The following VAV2 variants were observed in gnomAD, a reference collection of about 807,000 sequenced individuals.
VAV2 encodes guanine nucleotide exchange factor VAV2.
Under a neutral mutation model 132.5 loss-of-function variants are expected in VAV2, and 67 were observed. The observed-to-expected ratio is 0.51, with a 90% CI of 0.42 to 0.62. The LOEUF is 0.62. VAV2 is among the 20% of genes least tolerant of loss of function. VAV2 has a pLI of 0.00. For missense variants in VAV2, 938 were observed against 1,153.6 expected (o/e 0.81, Z 2.71); for synonymous variants, 492 against 443.5 (o/e 1.11, Z -1.37).
intron 1 of VAV2, 109 bp from the exon 2 acceptor site, chr9:133,939,328 A>T: frequency 2.1e-6 from 2 of 936,628 alleles, no homozygotes; most frequent in Non-Finnish European, 3.5e-6. Flanking sequence ...GCGCCAGCAC[A>T]TCCAAGCTCA....
rs1206007079 is a variant in VAV2 at position 133,797,877 on chromosome 9, C to T, written c.837-68G>A. 3.6e-5 allele frequency: 53 copies of T among 1,476,650 alleles called. No individual in the cohort carries two copies. The South Asian group carries it at 4.9e-4, about 14-fold the overall frequency. 91.5% of individuals were successfully genotyped at this position (1,476,650 alleles called of 1,614,324 possible). On this transcript the variant is annotated intron_variant, in intron 9 of 29. Coordinates refer to ENST00000371850, the MANE Select transcript of VAV2 (RefSeq NM_001134398.2). ...GAGCAGCTCGGGGCTGCAGTGAGCC[C>T]GTCCATTTTTCCCAGCAGGCTGTAG... is the stretch of plus-strand genomic sequence containing the variant.
chr9:133,982,714 C>G (rs953597116), intron 1 of VAV2, among the ~76,000 whole-genome samples: 20 of 152,192 alleles, frequency 1.3e-4, no homozygotes, highest in Non-Finnish European at 1.5e-5. Flanking sequence ...TAGGGCCCGC[C>G]GCCTGGTTTT....
intron 2 of VAV2, among the ~76,000 whole-genome samples, chr9:133,922,395 G>A (rs998065199): frequency 3.3e-5 from 5 of 152,230 alleles, no homozygotes; most frequent in African/African-American, 7.2e-5. Flanking sequence ...GTAGGGGCAC[G>A]GGGCAGAAAA....
At chr9:133,850,669 A>G (rs1416294126) in intron 3 of VAV2, among the ~76,000 whole-genome samples, 2 of 152,146 alleles carry the variant, frequency 1.3e-5, no homozygotes, top group Non-Finnish European at 2.9e-5. Flanking sequence ...AGCCTCTGAA[A>G]TGTGAGCCAG....
Position 133,884,658 on chromosome 9 carries a change from G to A in VAV2, c.322-23226C>T, listed in dbSNP as rs1274853469. On this transcript the variant is annotated intron_variant, in intron 2 of 29. Transcript: ENST00000371850. The surrounding 1 kb of genome is among the most constrained non-coding windows in gnomAD (Gnocchi z 5.3). ...TATGCATAAGATGCTTCAATAAGAA[G>A]CTTGCTAAAAAGAAAAACAAAAAAA... Among the ~76,000 whole-genome samples the A allele has an allele frequency of 6.6e-6, 1 of 152,048 alleles. No homozygotes were observed. The highest frequency in any genetic ancestry group is 2.4e-5 in the African/African-American group (1 of 41,376).
intron 2 of VAV2, among the ~76,000 whole-genome samples, chr9:133,908,481 C>T (rs183055336): frequency 1.3e-3 from 201 of 152,102 alleles, no homozygotes; most frequent in Non-Finnish European, 2.1e-3. Context: ...TCCCTGATGC[C>T]CCCAAGCCAG....
chr9:133,836,985 A>C (rs1262631613), intron 3 of VAV2, among the ~76,000 whole-genome samples: 1 of 152,204 alleles, frequency 6.6e-6, no homozygotes, highest in Non-Finnish European at 1.5e-5. Context: ...CTGCCCTGCC[A>C]GGAGAGCTGA....
chr9:133,865,361 C>T (rs1028617666), intron 2 of VAV2, among the ~76,000 whole-genome samples: 1 of 152,190 alleles, frequency 6.6e-6, no homozygotes, highest in Admixed American at 6.5e-5. Flanking sequence ...TCTGCACTTT[C>T]CCTCTGCATC....
chr9:133,764,476 C>A (rs184558499), intron 29 of VAV2, among the ~76,000 whole-genome samples: 4 of 152,174 alleles, frequency 2.6e-5, no homozygotes, highest in Non-Finnish European at 5.9e-5. Flanking sequence ...TAGAAATCAA[C>A]CCACAGGTAT....
At chr9:133,869,003 T>C (rs1349392218) in intron 2 of VAV2, among the ~76,000 whole-genome samples, 1 of 151,760 alleles carries the variant, frequency 6.6e-6, no homozygotes, top group African/African-American at 2.4e-5. Context: ...TTATTCTTTT[T>C]TTTTTTTTTT....
chr9:133,829,538 G>C (rs527889735), intron 4 of VAV2, among the ~76,000 whole-genome samples: 1 of 152,232 alleles, frequency 6.6e-6, no homozygotes, highest in Non-Finnish European at 1.5e-5. Flanking sequence ...AGGACTCAGC[G>C]CAAGCACCAC....
Position 133,804,255 on chromosome 9 carries a change from T to C in VAV2, c.836+1826A>G, listed in dbSNP as rs1321090637. On this transcript the variant is annotated intron_variant, in intron 9 of 29. Transcript: ENST00000371850. This position sits in a 1 kb window ranked among gnomAD's most constrained non-coding sequence, Gnocchi z 4.5. ...GGACAGAACCACGATGATTTGGTGA[T>C]GAGCTCTGATGAAACGCTGACAGCC... is the stretch of plus-strand genomic sequence containing the variant. Among the ~76,000 whole-genome samples the C allele has an allele frequency of 6.6e-6, 1 of 152,202 alleles. No individual in the cohort carries two copies.
chr9:133,777,973 G>A (rs571674397), intron 22 of VAV2, among the ~76,000 whole-genome samples: 5 of 152,276 alleles, frequency 3.3e-5, no homozygotes, highest in East Asian at 3.9e-4. Flanking sequence ...TCGAGGCCCC[G>A]TGGCGCTCTG....
intron 8 of VAV2, among the ~76,000 whole-genome samples, chr9:133,806,724 C>T (rs888943365): frequency 6.6e-6 from 1 of 152,228 alleles, no homozygotes; most frequent in African/African-American, 2.4e-5. Flanking sequence ...AGGCAGGACA[C>T]AGCCACCGCA....
intron 1 of VAV2, among the ~76,000 whole-genome samples, chr9:133,952,557 C>T (rs1181212833): frequency 8.6e-5 from 13 of 151,612 alleles, no homozygotes; most frequent in African/African-American, 2.9e-4. Context: ...GAGCCGAGAT[C>T]GCACCATTGC....
At chr9:133,876,400 G>A (rs1838264721) in intron 2 of VAV2, among the ~76,000 whole-genome samples, 1 of 152,236 alleles carries the variant, frequency 6.6e-6, no homozygotes, top group African/African-American at 2.4e-5. Flanking sequence ...GGGTGGGTGT[G>A]GAGCAAAGAC....
Position 133,921,812 on chromosome 9 carries a change from CT to C in VAV2, c.321+17290del, listed in dbSNP as rs1408742012. Among the ~76,000 whole-genome samples, 7 of 152,354 alleles carry C rather than the reference CT, an allele frequency of 4.6e-5. No individual in the cohort carries two copies. The East Asian group carries it at 1.3e-3, about 29-fold the overall frequency. ...GTATAAGAAATCAACCGCGGATGAA[CT>C]TGAGTTTCAGCAGAGCCCCATCCGT... On this transcript the variant is annotated intron_variant, in intron 2 of 29. Transcript: ENST00000371850.
In VAV2 at chr9:133,788,284, T is replaced by C; in HGVS notation, c.1407+70A>G. On this transcript the variant is annotated intron_variant, in intron 15 of 29. Coordinates refer to ENST00000371850, the MANE Select transcript of VAV2 (RefSeq NM_001134398.2). This position sits in a 1 kb window ranked among gnomAD's most constrained non-coding sequence, Gnocchi z 5.3. ...CTTCGAGTCCCCTTCCCCTGGGGTC[T>C]GGAACCCAGTGCCTCTCTCCAGGCC... 7.5e-7 allele frequency: 1 copy of C among 1,339,866 alleles called. No individual in the cohort carries two copies. The allele number at this position is 1,339,866 out of a possible 1,614,324, so 83.0% of individuals were successfully genotyped here. A position where few individuals can be genotyped will look rare whatever the true frequency, so the allele number is the denominator to read the frequency against.
chr9:133,848,048 C>G (rs370858704), intron 3 of VAV2, among the ~76,000 whole-genome samples: 1 of 152,064 alleles, frequency 6.6e-6, no homozygotes, highest in African/African-American at 2.4e-5. Context: ...GAGGCCGAGA[C>G]GGGCGGATCA....
Sources: gnomAD v4.1 joint callset for allele counts (sites outside exome capture counted in the v4.1 genomes callset) on GRCh38, gnomAD v4.1.1 for gene constraint, Gnocchi (gnomAD v3.1) non-coding constraint, MANE v1.5 for transcripts, NCBI Gene and HGNC (gene_info 2026-07-23, HGNC 2026-07-21) for gene names.